Variants in TM7SF3 observed in about 807,000 individuals in gnomAD.
TM7SF3 encodes the protein transmembrane 7 superfamily member 3.
A neutral mutation model predicts 65.5 loss-of-function variants in TM7SF3; 60 were observed. The ratio of observed to expected loss-of-function variants is 0.92; its 90% CI spans 0.74 to 1.14. The LOEUF (loss-of-function observed/expected upper bound fraction) is 1.14, where lower values mean the gene tolerates loss of function less well. Among genes scored for constraint, TM7SF3 ranks in the 50% most tolerant of loss-of-function variants. The pLI, the probability that TM7SF3 is intolerant of heterozygous loss-of-function variation, is 0.00. For missense variants in TM7SF3, 623 were observed against 684.8 expected, an observed-to-expected ratio of 0.91 and a Z score of 1.01; for synonymous variants, 264 against 259.6, an observed-to-expected ratio of 1.02 and a Z score of -0.16.
At chr12:26,985,096 C>G (rs553541067) in intron 6 of TM7SF3, among the ~76,000 whole-genome samples, 1 of 152,328 alleles carries the variant, frequency 6.6e-6, no homozygotes, top group East Asian at 1.9e-4. Flanking sequence ...TCTCCTAAGC[C>G]TAACAGAGAG....
intron 3 of TM7SF3, 48 bp downstream of exon 3, chr12:26,999,478 C>T: frequency 6.4e-7 from 1 of 1,573,288 alleles, no homozygotes; most frequent in Non-Finnish European, 8.7e-7. Flanking sequence ...TTCATGAACA[C>T]ATTCCATATT....
intron 2 of TM7SF3, among the ~76,000 whole-genome samples, chr12:27,001,955 T>C (rs1307531189): frequency 6.6e-6 from 1 of 152,220 alleles, no homozygotes; most frequent in Non-Finnish European, 1.5e-5. Flanking sequence ...GTATCTCTTG[T>C]AATTAATACT....
rs1436892077 is a variant in TM7SF3 at position 26,974,217 on chromosome 12, G to A, written c.1461C>T (p.Ile487=). 6.8e-6 allele frequency: 11 copies of A among 1,613,512 alleles called. No homozygotes were observed. The highest frequency in any genetic ancestry group is 2.2e-5 in the East Asian group (1 of 44,882). Residue 487 remains isoleucine, a synonymous_variant, in exon 12 of 12, where the codon ATC becomes ATT. Coordinates refer to ENST00000343028, the MANE Select transcript of TM7SF3 (RefSeq NM_016551.3). The stretch of plus-strand genomic sequence containing the variant: ...CAGCCAGCATGCCCCATACTGCCAG[G>A]ATAATGAAGTCTAAAAAACAGTAGA... ...NVPFQTNDFI[I]LAVWGMLAVS...
At chr12:27,006,096 G>C (rs143337601) in intron 1 of TM7SF3, among the ~76,000 whole-genome samples, 1 of 151,048 alleles carries the variant, frequency 6.6e-6, no homozygotes, top group African/African-American at 2.4e-5. Flanking sequence ...TACCCTGCCC[G>C]GCTGATTTTT....
At chr12:27,013,807 A>C (rs1190366832) in intron 1 of TM7SF3, among the ~76,000 whole-genome samples, 1 of 152,156 alleles carries the variant, frequency 6.6e-6, no homozygotes, top group African/African-American at 2.4e-5. Context: ...GCTGCTCCCT[A>C]AGGGAGATAA....
At position 26,980,585 on chromosome 12, in the gene TM7SF3, C is replaced by T. The variant is rs1017361622; in HGVS notation, c.1017G>A (p.Leu339=). ...GFFFYILITR[L]TPIKYDVNLI... is the part of the protein sequence containing the mutation. Reference sequence around the variant, plus strand: ...ACTTACCATCATACTTGATAGGTGTCAGTCTTGTAATCAGTATATAAAAGA... The same window carrying T: ...ACTTACCATCATACTTGATAGGTGTTAGTCTTGTAATCAGTATATAAAAGA... The change falls in exon 8 of 12, where the codon CTG becomes CTA. Residue 339 remains leucine (L), a synonymous_variant. Transcript: ENST00000343028. The T allele has an allele frequency of 4.1e-5, 63 of 1,542,956 alleles. No individual in the cohort carries two copies. The highest frequency in any genetic ancestry group is 5.5e-5 in the Non-Finnish European group (62 of 1,119,908).
rs964426664 is a variant in TM7SF3, at chr12:26,994,560, T to C, written c.690+677A>G. ...CACGGTTTCACCATGTTGGACAGGCTGGTCTCAAACTCCTGACCTCAGGTG... is the reference window on the plus strand; with the variant it reads ...CACGGTTTCACCATGTTGGACAGGCCGGTCTCAAACTCCTGACCTCAGGTG... On this transcript the variant is annotated intron_variant, in intron 5 of 11. Transcript: ENST00000343028. Among the ~76,000 whole-genome samples, 3 of 152,356 alleles carry C rather than the reference T, an allele frequency of 2.0e-5. No individual in the cohort carries two copies. The South Asian group carries it at 6.2e-4, about 32-fold the overall frequency.
At chr12:26,991,454 T>C (rs1447562357) in intron 5 of TM7SF3, among the ~76,000 whole-genome samples, 1 of 152,234 alleles carries the variant, frequency 6.6e-6, no homozygotes, top group Non-Finnish European at 1.5e-5. Context: ...GCCCGGCCAG[T>C]AGTTCTTAAC....
chr12:26,988,708 G>C (rs1359860127), intron 6 of TM7SF3, among the ~76,000 whole-genome samples: 1 of 144,048 alleles, frequency 6.9e-6, no homozygotes, highest in African/African-American at 2.6e-5. Context: ...GTGTGTGTGT[G>C]TACGTATCTA....
intron 1 of TM7SF3, among the ~76,000 whole-genome samples, chr12:27,008,303 C>CCTTTG (rs1941117034): frequency 6.6e-6 from 1 of 152,098 alleles, no homozygotes; most frequent in Non-Finnish European, 1.5e-5. Context: ...TGTTAAGAAA[C>CCTTTG]CTTTGCTTTG....
Position 26,990,472 on chromosome 12 carries a change from TCCTG to T in TM7SF3, c.842_845del (p.Ala281GlufsTer8). The T allele has an allele frequency of 6.2e-7, 1 of 1,613,932 alleles. No homozygotes were observed. Among genetic ancestry groups the T allele is most frequent in the Non-Finnish European group, 8.5e-7 (1 of 1,179,856 alleles). On this transcript the variant is annotated frameshift_variant, in exon 6 of 12. Coordinates refer to ENST00000343028, the MANE Select transcript of TM7SF3 (RefSeq NM_016551.3). LOFTEE classifies it high-confidence loss of function. ...CACCTAGGGAAGCACAACTACCCTC[TCCTG>T]CCTCAAAGCTGCAAGCGTATGTGTG... is the stretch of plus-strand genomic sequence containing the variant.
At chr12:26,991,238 C>T (rs890504364) in intron 5 of TM7SF3, among the ~76,000 whole-genome samples, 6 of 150,604 alleles carry the variant, frequency 4.0e-5, no homozygotes, top group South Asian at 2.1e-4. Flanking sequence ...CTGCAAGCTC[C>T]GCTTCCCGGG....
intron 4 of TM7SF3, among the ~76,000 whole-genome samples, chr12:26,996,455 A>G (rs1356247063): frequency 6.6e-6 from 1 of 152,232 alleles, no homozygotes; most frequent in African/African-American, 2.4e-5. Flanking sequence ...ACTGAGTGCT[A>G]TCTATATTTA....
At chr12:27,006,231 A>AG (rs1212813581) in intron 1 of TM7SF3, among the ~76,000 whole-genome samples, 6 of 141,476 alleles carry the variant, frequency 4.2e-5, no homozygotes, top group African/African-American at 1.6e-4. Flanking sequence ...CTCCACCTCC[A>AG]GGTTCAAGCA....
chr12:26,982,487 A>G (rs924229405), intron 7 of TM7SF3, among the ~76,000 whole-genome samples: 1 of 152,196 alleles, frequency 6.6e-6, no homozygotes, highest in African/African-American at 2.4e-5. Context: ...CTGACAACCA[A>G]TGTCTAATCT....
At chr12:26,990,083 T>C (rs10771313) in intron 6 of TM7SF3, among the ~76,000 whole-genome samples, 85,407 of 151,944 alleles carry the variant, frequency 0.56, 24,320 homozygotes, top group East Asian at 0.75. Flanking sequence ...GCCTGGTACA[T>C]GCCACACCCA....
At position 26,994,578 on chromosome 12, in the gene TM7SF3, C is replaced by T. The variant is rs146365215; in HGVS notation, c.690+659G>A. Among the ~76,000 whole-genome samples the T allele has an allele frequency of 6.4e-3, 976 of 152,330 alleles. 8 individuals carry two copies. The highest frequency in any genetic ancestry group is 0.023 in the African/African-American group (944 of 41,594). On this transcript the variant is annotated intron_variant, in intron 5 of 11. Coordinates refer to ENST00000343028, the MANE Select transcript of TM7SF3 (RefSeq NM_016551.3). ...GACAGGCTGGTCTCAAACTCCTGACCTCAGGTGATCCACCCGCCTCGGCCT... is the reference window on the plus strand; with the variant it reads ...GACAGGCTGGTCTCAAACTCCTGACTTCAGGTGATCCACCCGCCTCGGCCT...
chr12:26,973,017 TTAAACA>T lies in TM7SF3; in HGVS notation c.*942_*947del, dbSNP rs1403707443. ...AAAGGGAACCTACTGAATTGTACAC[TTAAACA>T]TGAATAAGAAGGTAAATTTCATGTG... On this transcript the variant is annotated 3_prime_UTR_variant, in exon 12 of 12. Coordinates refer to ENST00000343028, the MANE Select transcript of TM7SF3 (RefSeq NM_016551.3). Among the ~76,000 whole-genome samples the T allele has an allele frequency of 1.3e-5, 2 of 152,046 alleles. No individual in the cohort carries two copies. Among genetic ancestry groups the T allele is most frequent in the Non-Finnish European group, 2.9e-5 (2 of 68,008 alleles).
At chr12:26,983,447 C>A in intron 6 of TM7SF3, 1 of 392,392 alleles carries the variant, frequency 2.5e-6, no homozygotes, top group Non-Finnish European at 5.2e-6. Flanking sequence ...ATGTTAATGA[C>A]ACGGTGGTTC....
Sources: gnomAD v4.1 joint callset for allele counts (sites outside exome capture counted in the v4.1 genomes callset) on GRCh38, gnomAD v4.1.1 for gene constraint, MANE v1.5 for transcripts, NCBI Gene and HGNC (gene_info 2026-07-23, HGNC 2026-07-21) for gene names.